RBMS2: variants seen among roughly 807,000 people sequenced by gnomAD.
The protein encoded by RBMS2 is RNA-binding motif, single-stranded-interacting protein 2.
RBMS2 carries 38 observed loss-of-function variants against 58.4 expected under a neutral mutation model. That is an observed-to-expected ratio of 0.65 (90% confidence interval 0.50 to 0.85). The LOEUF (loss-of-function observed/expected upper bound fraction) is 0.85, where lower values mean the gene tolerates loss of function less well. Among genes scored for constraint, RBMS2 ranks in the 40% least tolerant of loss-of-function variants. The pLI, the probability that RBMS2 is intolerant of heterozygous loss-of-function variation, is 0.00. For synonymous variants in RBMS2, 151 were observed against 180.7 expected, an observed-to-expected ratio of 0.84 and a Z score of 1.32; for missense variants, 367 against 503.7, an observed-to-expected ratio of 0.73 and a Z score of 2.60.
chr12:56,574,158 A>T (rs139250197), intron 5 of RBMS2, among the ~76,000 whole-genome samples: 2,080 of 152,260 alleles, frequency 0.014, 41 homozygotes, highest in African/African-American at 0.047. Flanking sequence ...ACAACTTTTT[A>T]AAAAAATTTC....
At chr12:56,524,422 CTTT>C (rs35748039) in intron 1 of RBMS2, among the ~76,000 whole-genome samples, 2 of 145,190 alleles carry the variant, frequency 1.4e-5, no homozygotes. Context: ...TTTATTTTTA[CTTT>C]TTTTTTTTTT....
In RBMS2 at chr12:56,559,227, TGGA is replaced by T. The variant is rs556359900; in HGVS notation, c.67-3188_67-3186del. Among the ~76,000 whole-genome samples, 1,109 of 151,952 alleles carry T rather than the reference TGGA, an allele frequency of 7.3e-3. 23 individuals are homozygous for T. The highest frequency in any genetic ancestry group is 0.026 in the African/African-American group (1,062 of 41,490). On this transcript the variant is annotated intron_variant, in intron 1 of 13. Transcript: ENST00000262031. ...CAGAGTCTCGCTCTGTTGCCCAGGC[TGGA>T]GTGCAGTGGCACAATCTCGGCTCAC... is the stretch of plus-strand genomic sequence containing the variant.
intron 2 of RBMS2, among the ~76,000 whole-genome samples, chr12:56,564,473 C>T (rs1169430055): frequency 6.6e-6 from 1 of 152,060 alleles, no homozygotes; most frequent in Non-Finnish European, 1.5e-5. Flanking sequence ...AGCAATCCTC[C>T]CACCTCAGCC....
At chr12:56,521,084 C>T (rs532443310), upstream of RBMS2, among the ~76,000 whole-genome samples, 149 of 152,202 alleles carry the variant, frequency 9.8e-4, no homozygotes, top group African/African-American at 3.5e-3. Flanking sequence ...CTCTGTTTTG[C>T]TTAGCTCTGC....
chr12:56,587,714 C>T (rs761252075), intron 11 of RBMS2, 50 bp downstream of exon 11: 12 of 1,576,398 alleles, frequency 7.6e-6, no homozygotes, highest in Non-Finnish European at 4.3e-6. Flanking sequence ...GCAAGGCATA[C>T]CTGTGTAATA....
At chr12:56,559,850 C>CA (rs1183186392) in intron 1 of RBMS2, among the ~76,000 whole-genome samples, 12 of 47,416 alleles carry the variant, frequency 2.5e-4, no homozygotes, top group African/African-American at 9.6e-4. Context: ...GACTCTGCCT[C>CA]AAAAAAAAAA....
chr12:56,544,311 C>T (rs906365150), intron 1 of RBMS2, among the ~76,000 whole-genome samples: 5 of 151,996 alleles, frequency 3.3e-5, no homozygotes, highest in South Asian at 2.1e-4. Context: ...AGTTATGTGG[C>T]GTGTATTCTC....
chr12:56,546,354 A>AATGTACAATATATTGTACATTATAAAT (rs1877208191), intron 1 of RBMS2, among the ~76,000 whole-genome samples: 1 of 139,384 alleles, frequency 7.2e-6, no homozygotes, highest in Admixed American at 7.2e-5. Context: ...TTATAAATAT[A>AATGTACAATATATTGTACATTATAAAT]ATGTACAATA....
rs1239020609 is a variant in RBMS2 at position 56,590,583 on chromosome 12, C to G, written c.*1450C>G. 1.3e-5 allele frequency: 2 copies of G among 152,150 alleles called. No individual in the cohort carries two copies. The highest frequency in any genetic ancestry group is 4.8e-5 in the African/African-American group (2 of 41,430). The allele number at this position is 152,150 out of a possible 1,614,324, so 9.4% of individuals were successfully genotyped here. ...TCCTGGGTTAGGGTAAATTTTCACC[C>G]CAACCCTGGACAAACAGTGCCTTTT... On this transcript the variant is annotated 3_prime_UTR_variant, in exon 14 of 14. Coordinates refer to ENST00000262031, the MANE Select transcript of RBMS2 (RefSeq NM_002898.4).
chr12:56,563,482 A>G (rs1299989303), intron 2 of RBMS2, among the ~76,000 whole-genome samples: 1 of 152,194 alleles, frequency 6.6e-6, no homozygotes, highest in Non-Finnish European at 1.5e-5. Context: ...AGATAGGAAC[A>G]ATTATTCTGT....
intron 1 of RBMS2, among the ~76,000 whole-genome samples, chr12:56,556,299 C>A (rs890651227): frequency 6.6e-6 from 1 of 151,310 alleles, no homozygotes; most frequent in South Asian, 2.1e-4. Flanking sequence ...CTCTGGGGAT[C>A]ATATGATCTA....
chr12:56,575,163 C>T (rs118125739), intron 5 of RBMS2, among the ~76,000 whole-genome samples: 2,403 of 150,016 alleles, frequency 0.016, 43 homozygotes, highest in Admixed American at 0.044. Flanking sequence ...GAGTGAGACT[C>T]GTCTCAAAAA....
rs765115710 is a variant in RBMS2, at chr12:56,581,868, T to G, written c.768T>G (p.Ala256=). The G allele has an allele frequency of 2.4e-5, 38 of 1,614,058 alleles. No homozygotes were observed. The highest frequency in any genetic ancestry group is 3.0e-5 in the Non-Finnish European group (35 of 1,180,018). Residue 256 remains alanine (A), a synonymous_variant, in exon 8 of 14, where the codon GCT becomes GCG. Transcript: ENST00000262031. ...VMALTYDPTT[A]LQNGFYPAPY... is the part of the protein sequence containing the mutation. ...CCTTGACCTATGACCCCACCACAGCTCTTCAGAATGGGTAAGGTTTTATAT... is the reference window on the plus strand; with the variant it reads ...CCTTGACCTATGACCCCACCACAGCGCTTCAGAATGGGTAAGGTTTTATAT...
At chr12:56,523,941 T>C (rs141841374) in intron 1 of RBMS2, among the ~76,000 whole-genome samples, 305 of 152,302 alleles carry the variant, frequency 2.0e-3, no homozygotes, top group Non-Finnish European at 3.3e-3. Flanking sequence ...TAGAGTACCA[T>C]GTGAAAATTT....
intron 1 of RBMS2, among the ~76,000 whole-genome samples, chr12:56,549,087 C>T (rs537856560): frequency 1.8e-4 from 28 of 152,282 alleles, no homozygotes; most frequent in African/African-American, 6.3e-4. Context: ...CAACCTCCGA[C>T]GCCCAGGTTC....
chr12:56,557,786 T>C (rs1879497896), intron 1 of RBMS2, among the ~76,000 whole-genome samples: 1 of 150,894 alleles, frequency 6.6e-6, no homozygotes, highest in Non-Finnish European at 1.5e-5. Flanking sequence ...TTGCCCAGGC[T>C]GGAGTGCAAT....
At chr12:56,555,906 T>A (rs1375601093) in intron 1 of RBMS2, among the ~76,000 whole-genome samples, 1 of 151,854 alleles carries the variant, frequency 6.6e-6, no homozygotes, top group African/African-American at 2.4e-5. Flanking sequence ...ATTAGCCATG[T>A]GTGGTGGTGT....
rs1431818027 is a variant in RBMS2, at chr12:56,590,036, C to G, written c.*903C>G. ...AACTCCACAGCCCTGGGAACACACC[C>G]TTGAGCCAAACTTGGTTGAAGACTA... On this transcript the variant is annotated 3_prime_UTR_variant, in exon 14 of 14. Coordinates refer to ENST00000262031, the MANE Select transcript of RBMS2 (RefSeq NM_002898.4). The G allele has an allele frequency of 6.6e-6, 1 of 152,232 alleles. No homozygotes were observed. The highest frequency in any genetic ancestry group is 1.5e-5 in the Non-Finnish European group (1 of 68,060). The allele number at this position is 152,232 out of a possible 1,614,324, so 9.4% of individuals were successfully genotyped here. A position where few individuals can be genotyped will look rare whatever the true frequency, so the allele number is the denominator to read the frequency against.
chr12:56,530,129 A>C lies in RBMS2; in HGVS notation c.66+8040A>C, dbSNP rs142944333. Among the ~76,000 whole-genome samples, 771 of 152,260 alleles carry C rather than the reference A, an allele frequency of 5.1e-3. 7 individuals carry two copies. The highest frequency in any genetic ancestry group is 0.017 in the African/African-American group (693 of 41,540). On this transcript the variant is annotated intron_variant, in intron 1 of 13. Transcript: ENST00000262031. ...TGCTATGTTGCTCAGGCTTGTCTCA[A>C]ACCCCTGGGCTCAAGCGATCCTCCT...
Sources: gnomAD v4.1 joint callset for allele counts (sites outside exome capture counted in the v4.1 genomes callset) on GRCh38, gnomAD v4.1.1 for gene constraint, MANE v1.5 for transcripts, NCBI Gene and HGNC (gene_info 2026-07-23, HGNC 2026-07-21) for gene names.